The following ARID1B variants were observed in gnomAD, a reference collection of about 807,000 sequenced individuals.
ARID1B encodes AT-rich interactive domain-containing protein 1B.
In ARID1B, 30 loss-of-function variants were observed where a neutral mutation model predicts 212.3. That is an observed-to-expected ratio of 0.14 (90% confidence interval 0.11 to 0.19). The LOEUF (loss-of-function observed/expected upper bound fraction) is 0.19, where lower values mean the gene tolerates loss of function less well. ARID1B is among the 10% of genes least tolerant of loss of function. ARID1B has a pLI of 1.00. For missense variants in ARID1B, 2,891 were observed against 3,204.0 expected (o/e 0.90, Z 2.36); for synonymous variants, 1,402 against 1,301.7 (o/e 1.08, Z -1.66).
At chr6:156,986,690 A>C (rs1777939239) in intron 4 of ARID1B, among the ~76,000 whole-genome samples, 1 of 152,190 alleles carries the variant, frequency 6.6e-6, no homozygotes, top group Non-Finnish European at 1.5e-5. Flanking sequence ...ATTATTATTA[A>C]AGAGCTTTCG....
intron 6 of ARID1B, among the ~76,000 whole-genome samples, chr6:157,131,794 G>A (rs1286281289): frequency 1.3e-5 from 2 of 152,258 alleles, no homozygotes; most frequent in African/African-American, 2.4e-5. Flanking sequence ...GAGTTCAAGC[G>A]ATTCTCCTGC....
At chr6:156,961,752 C>T (rs551262528) in intron 4 of ARID1B, among the ~76,000 whole-genome samples, 15 of 152,152 alleles carry the variant, frequency 9.9e-5, no homozygotes, top group East Asian at 5.8e-4. Context: ...AATGGGCACA[C>T]GGGGCTGGGA....
chr6:157,112,758 T>C (rs1194936731), intron 6 of ARID1B, among the ~76,000 whole-genome samples: 1 of 152,186 alleles, frequency 6.6e-6, no homozygotes, highest in African/African-American at 2.4e-5. Context: ...CTTAAATTGA[T>C]CCACTTTCAA....
chr6:156,958,255 T>C (rs1028006443), intron 4 of ARID1B, among the ~76,000 whole-genome samples: 2 of 152,196 alleles, frequency 1.3e-5, no homozygotes, highest in East Asian at 3.9e-4. Context: ...CTTTTTCACT[T>C]TTAAACAGTT....
intron 5 of ARID1B, among the ~76,000 whole-genome samples, chr6:157,091,450 T>C (rs1041345831): frequency 6.6e-6 from 1 of 152,152 alleles, no homozygotes; most frequent in Admixed American, 6.5e-5. Flanking sequence ...CAAGAAGATA[T>C]TCTGGTCAAA....
Position 157,016,976 on chromosome 6 carries a change from A to G in ARID1B, c.2248-67686A>G, listed in dbSNP as rs189387396. Reference sequence around the variant, plus strand: ...GTATCTCATTAATTTTGTATTGCTTAAAGGTTGAAATGATAAAATTTGGGG... The same window carrying G: ...GTATCTCATTAATTTTGTATTGCTTGAAGGTTGAAATGATAAAATTTGGGG... On this transcript the variant is annotated intron_variant, in intron 4 of 19. Transcript: ENST00000636930. Among the ~76,000 whole-genome samples the G allele has an allele frequency of 7.4e-3, 1,121 of 152,310 alleles. 33 individuals are homozygous for G. The highest frequency in any genetic ancestry group is 5.6e-3 in the Non-Finnish European group (381 of 68,028).
chr6:156,939,497 G>A (rs1377780717), intron 4 of ARID1B: 2 of 151,958 alleles, frequency 1.3e-5, no homozygotes, highest in African/African-American at 4.8e-5. Flanking sequence ...TATTTATTAT[G>A]TCCTATTCAG....
chr6:157,189,198 A>G (rs1470072211), intron 13 of ARID1B, among the ~76,000 whole-genome samples: 2 of 152,254 alleles, frequency 1.3e-5, no homozygotes, highest in African/African-American at 4.8e-5. Context: ...TTTCGTTTCT[A>G]AAACAGCACA....
chr6:156,970,792 C>T (rs930823315), intron 4 of ARID1B, among the ~76,000 whole-genome samples: 9 of 152,218 alleles, frequency 5.9e-5, no homozygotes, highest in African/African-American at 1.9e-4. Context: ...TGAATGACAG[C>T]AGCTGATGTT....
Position 157,190,775 on chromosome 6 carries a change from G to C in ARID1B, c.4231+565G>C, listed in dbSNP as rs946693209. 2.6e-5 allele frequency among the ~76,000 whole-genome samples: 4 copies of C among 152,212 alleles called. No individual in the cohort carries two copies. Among genetic ancestry groups the C allele is most frequent in the Admixed American group, 2.6e-4 (4 of 15,278 alleles). On this transcript the variant is annotated intron_variant, in intron 15 of 19. Transcript: ENST00000636930. This position sits in a 1 kb window ranked among gnomAD's most constrained non-coding sequence, Gnocchi z 4.6. Reference sequence around the variant, plus strand: ...AAGCACAAATAAGCAGTTAAAGATTGTGGTTGGTGGAAGACAGGAAAGTGA... The same window carrying C: ...AAGCACAAATAAGCAGTTAAAGATTCTGGTTGGTGGAAGACAGGAAAGTGA...
chr6:156,879,049 T>C (rs1157603932), intron 2 of ARID1B, among the ~76,000 whole-genome samples: 1 of 152,218 alleles, frequency 6.6e-6, no homozygotes, highest in African/African-American at 2.4e-5. Flanking sequence ...CTACAGCTTC[T>C]GACTCCAGTG....
chr6:156,863,458 C>A (rs901198531), intron 2 of ARID1B, among the ~76,000 whole-genome samples: 1 of 151,900 alleles, frequency 6.6e-6, no homozygotes, highest in Non-Finnish European at 1.5e-5. Flanking sequence ...GAAAAAGAGG[C>A]CAGTTTTAAA....
chr6:157,139,429 A>G (rs1444569361), intron 7 of ARID1B, among the ~76,000 whole-genome samples: 1 of 152,192 alleles, frequency 6.6e-6, no homozygotes, highest in Non-Finnish European at 1.5e-5. Flanking sequence ...AATCTGTCAG[A>G]GCTGCACCAG....
Position 156,895,756 on chromosome 6 carries a change from C to A in ARID1B, c.1987-5620C>A, listed in dbSNP as rs547084710. Among the ~76,000 whole-genome samples the A allele has an allele frequency of 2.4e-3, 358 of 150,430 alleles. 1 individual carries two copies. Among genetic ancestry groups the A allele is most frequent in the Middle Eastern group, 6.8e-3 (2 of 294 alleles). On this transcript the variant is annotated intron_variant, in intron 2 of 19. Coordinates refer to ENST00000636930, the MANE Select transcript of ARID1B (RefSeq NM_001374828.1). ...TGTATACACACACACACACACACAC[C>A]CACATACACACAGTATATATAGGTA...
rs1363091373 is a variant in ARID1B, at chr6:156,790,178, A to G, written c.1791+10707A>G. Reference sequence around the variant, plus strand: ...GTTTGCCTGTTTTTTAAGCAGTCATATTTTTAACTGGTGAGGAAATAAATT... The same window carrying G: ...GTTTGCCTGTTTTTTAAGCAGTCATGTTTTTAACTGGTGAGGAAATAAATT... On this transcript the variant is annotated intron_variant, in intron 1 of 19. Transcript: ENST00000636930. Among the ~76,000 whole-genome samples the G allele has an allele frequency of 3.9e-5, 6 of 152,216 alleles. No individual in the cohort carries two copies. The East Asian group carries it at 9.6e-4, about 24-fold the overall frequency.
intron 4 of ARID1B, among the ~76,000 whole-genome samples, chr6:156,952,605 G>C (rs1005606328): frequency 1.3e-5 from 2 of 152,174 alleles, no homozygotes; most frequent in Non-Finnish European, 2.9e-5. Context: ...AGCAGTGGGG[G>C]CAGGGATCTT....
chr6:157,140,164 A>G (rs578131497), intron 7 of ARID1B, among the ~76,000 whole-genome samples: 3 of 152,310 alleles, frequency 2.0e-5, no homozygotes, highest in African/African-American at 7.2e-5. Flanking sequence ...TTCACTAATT[A>G]TAAAGTTATT....
chr6:157,042,852 G>T (rs1008036387), intron 4 of ARID1B, among the ~76,000 whole-genome samples: 4 of 151,972 alleles, frequency 2.6e-5, no homozygotes, highest in African/African-American at 9.7e-5. Flanking sequence ...GTAGAGATGG[G>T]TTTTTACCAT....
intron 15 of ARID1B, among the ~76,000 whole-genome samples, chr6:157,193,283 A>C (rs1793507806): frequency 6.6e-6 from 1 of 152,222 alleles, no homozygotes; most frequent in South Asian, 2.1e-4. Flanking sequence ...TGATTGTTGA[A>C]GTACAGTTTT....
Sources: allele counts gnomAD v4.1 joint callset (sites outside exome capture counted in the v4.1 genomes callset), GRCh38; gene constraint gnomAD v4.1.1; non-coding constraint Gnocchi (gnomAD v3.1); transcripts MANE v1.5; gene names NCBI Gene and HGNC (gene_info 2026-07-23, HGNC 2026-07-21).